Variants in PSMG2 observed in about 807,000 individuals in gnomAD.
PSMG2 encodes CD40 ligand-activated specific transcript 3.
PSMG2 carries 21 observed loss-of-function variants against 31.5 expected under a neutral mutation model. That is an observed-to-expected ratio of 0.67 (90% CI 0.47 to 0.96). The LOEUF is 0.96. Among genes scored for constraint, PSMG2 ranks in the 40% least tolerant of loss-of-function variants. The probability of loss-of-function intolerance (pLI) is 0.00; values close to 1 mark genes in which losing one functional copy is unlikely to be tolerated. For missense variants in PSMG2, 318 were observed against 321.2 expected (o/e 0.99, Z 0.08); for synonymous variants, 120 against 110.4 (o/e 1.09, Z -0.54).
intron 1 of PSMG2, among the ~76,000 whole-genome samples, chr18:12,687,058 A>T (rs1412847800): frequency 1.3e-5 from 2 of 152,208 alleles, no homozygotes; most frequent in Non-Finnish European, 2.9e-5. Flanking sequence ...GTATGCATAT[A>T]TAGGTCTCTG....
In PSMG2 at chr18:12,669,377, G is replaced by T. The variant is rs549036742; in HGVS notation, c.-37+10604G>T. Reference sequence around the variant, plus strand: ...TCCGCCCGCCTTGGCCTTCCAAAGTGCTGGGATTACAGGCATGAGCCACCG... The same window carrying T: ...TCCGCCCGCCTTGGCCTTCCAAAGTTCTGGGATTACAGGCATGAGCCACCG... On this transcript the variant is annotated intron_variant, in intron 1 of 6. Coordinates refer to the PSMG2 transcript ENST00000585331. Among the ~76,000 whole-genome samples the T allele has an allele frequency of 2.5e-3, 377 of 152,056 alleles. 3 individuals are homozygous for T. Among genetic ancestry groups the T allele is most frequent in the African/African-American group, 8.8e-3 (364 of 41,504 alleles).
intron 1 of PSMG2, chr18:12,672,897 T>C (rs1278033054): frequency 4.2e-5 from 41 of 985,258 alleles, no homozygotes; most frequent in Non-Finnish European, 4.8e-5. Context: ...TTCATTAACA[T>C]TTATTTTCAC....
chr18:12,669,974 G>C (rs572615633), intron 1 of PSMG2, among the ~76,000 whole-genome samples: 1 of 95,496 alleles, frequency 1.0e-5, no homozygotes, highest in South Asian at 2.9e-4. Context: ...TCCAGCCTGG[G>C]CAACAAGAGC....
Position 12,725,445 on chromosome 18 carries a change from G to A in PSMG2, c.709G>A (p.Asp237Asn). Residue 237 changes from aspartate (D) to asparagine (N), a missense_variant, in exon 7 of 7, where the codon GAC (aspartate) becomes AAC (asparagine). Physicochemically the swap from Asp to Asn is conservative, Grantham distance 23. Coordinates refer to ENST00000317615, the MANE Select transcript of PSMG2 (RefSeq NM_020232.5). ...TTTTGTTCTTCAATTACAGAGCGATGACCCCACAGTATCTGCCTCACGGTG... is the reference window on the plus strand; with the variant it reads ...TTTTGTTCTTCAATTACAGAGCGATAACCCCACAGTATCTGCCTCACGGTG... Reference protein sequence around the residue: ...WLQILKPLSDDPTVSASRWKI... With the variant: ...WLQILKPLSDNPTVSASRWKI... The A allele has an allele frequency of 6.3e-7, 1 of 1,584,648 alleles. No homozygotes were observed. The highest frequency in any genetic ancestry group is 8.7e-7 in the Non-Finnish European group (1 of 1,155,506).
At chr18:12,698,959 A>G (rs1243308998), upstream of PSMG2, 5 of 1,500,532 alleles carry the variant, frequency 3.3e-6, no homozygotes, top group East Asian at 6.8e-5. Context: ...ATTAAATGAC[A>G]ATTTATTACT....
At position 12,673,378 on chromosome 18, in the gene PSMG2, C is replaced by T. The variant is rs766489388; in HGVS notation, c.-37+14605C>T. On this transcript the variant is annotated intron_variant, in intron 1 of 6. Transcript: ENST00000585331. ...TAAATATTGGCCCTATAATACCGAG[C>T]GATATTTACAAGCAAACATGATCCA... 5.9e-5 allele frequency: 94 copies of T among 1,603,620 alleles called. No homozygotes were observed. Among genetic ancestry groups the T allele is most frequent in the Non-Finnish European group, 7.7e-5 (91 of 1,176,446 alleles).
chr18:12,679,650 T>C (rs2039275612), intron 1 of PSMG2, among the ~76,000 whole-genome samples: 1 of 152,180 alleles, frequency 6.6e-6, no homozygotes, highest in South Asian at 2.1e-4. Context: ...GCTAAAGTAC[T>C]TTAAAAAATG....
chr18:12,709,302 C>T (rs947125787), intron 2 of PSMG2, among the ~76,000 whole-genome samples: 9 of 151,766 alleles, frequency 5.9e-5, no homozygotes, highest in African/African-American at 1.7e-4. Context: ...GCCTCAGCCT[C>T]CAAAGTGCTG....
At chr18:12,701,090 T>C (rs776780703), upstream of PSMG2, 1 of 1,613,174 alleles carries the variant, frequency 6.2e-7, no homozygotes, top group Non-Finnish European at 8.5e-7. Flanking sequence ...CAAGGATTTC[T>C]CTTATTCTAC....
At chr18:12,701,263 T>C, upstream of PSMG2, 1 of 609,000 alleles carries the variant, frequency 1.6e-6, no homozygotes, top group Non-Finnish European at 2.8e-6. Flanking sequence ...AATGAATCTT[T>C]TGAGTACAAA....
At chr18:12,669,933 G>GTTGAGGTGAGCCGAGA (rs1555641007) in intron 1 of PSMG2, among the ~76,000 whole-genome samples, 1 of 149,454 alleles carries the variant, frequency 6.7e-6, no homozygotes. Flanking sequence ...GGAGGCGGAG[G>GTTGAGGTGAGCCGAGA]TTGCGGTGAG....
intron 5 of PSMG2, among the ~76,000 whole-genome samples, chr18:12,723,327 A>G (rs985456152): frequency 6.6e-6 from 1 of 152,086 alleles, no homozygotes; most frequent in Non-Finnish European, 1.5e-5. Flanking sequence ...TCTCCATCTC[A>G]TCACTAGCTT....
In PSMG2 at chr18:12,703,088, C is replaced by T. The variant is rs1568038180; in HGVS notation, c.-20C>T. The stretch of plus-strand genomic sequence containing the variant: ...TTGCCAGGGCCGCGGTTAGTCCCTG[C>T]TGGCCACCCCACTGCGACCATGTTC... On this transcript the variant is annotated 5_prime_UTR_variant, in exon 1 of 7. Transcript: ENST00000317615. 2 of 1,610,830 alleles carry T rather than the reference C, an allele frequency of 1.2e-6. No individual in the cohort carries two copies. Among genetic ancestry groups the T allele is most frequent in the Non-Finnish European group, 1.7e-6 (2 of 1,178,960 alleles).
chr18:12,698,741 G>C (rs1196408107), upstream of PSMG2: 1 of 521,656 alleles, frequency 1.9e-6, no homozygotes, highest in Non-Finnish European at 3.4e-6. Flanking sequence ...ATTTAAGTGT[G>C]TATTACTAAA....
chr18:12,716,156 T>G (rs1163283009), intron 3 of PSMG2, among the ~76,000 whole-genome samples: 2 of 152,206 alleles, frequency 1.3e-5, no homozygotes, highest in Non-Finnish European at 2.9e-5. Flanking sequence ...GATGCTACAT[T>G]TGATTATTTC....
At chr18:12,670,321 C>T (rs1441258217) in intron 1 of PSMG2, 1 of 150,974 alleles carries the variant, frequency 6.6e-6, no homozygotes, top group African/African-American at 2.4e-5. Context: ...CAGAGTGAGA[C>T]TCTGTCTCAA....
intron 6 of PSMG2, 89 bp downstream of exon 6, chr18:12,724,708 T>A: frequency 8.0e-7 from 1 of 1,247,242 alleles, no homozygotes; most frequent in Non-Finnish European, 1.0e-6. Context: ...ACCAAGTAAG[T>A]GAACGTTTGT....
intron 1 of PSMG2, among the ~76,000 whole-genome samples, chr18:12,704,830 GAGAAGGGAATTGCAGGAGGTAA>G (rs1206344431): frequency 1.3e-5 from 2 of 152,170 alleles, no homozygotes; most frequent in African/African-American, 4.8e-5. Flanking sequence ...CAAAATCGTT[GAGAAGGGAATTGCAGGAGGTAA>G]CTAGGCAATT....
chr18:12,662,256 A>C (rs1337434545), intron 1 of PSMG2: 1 of 430,808 alleles, frequency 2.3e-6, no homozygotes, highest in Admixed American at 2.7e-5. Context: ...CAATTGTAAT[A>C]CCTTATACAT....
Sources: allele counts gnomAD v4.1 joint callset (sites outside exome capture counted in the v4.1 genomes callset), GRCh38; gene constraint gnomAD v4.1.1; transcripts MANE v1.5; gene names NCBI Gene and HGNC (gene_info 2026-07-23, HGNC 2026-07-21).